The following PLCD3 variants were observed in gnomAD, a reference collection of about 807,000 sequenced individuals.
The protein encoded by PLCD3 is 1-phosphatidylinositol 4,5-bisphosphate phosphodiesterase delta-3.
In PLCD3, 62 loss-of-function variants were observed where a neutral mutation model predicts 82.8. The ratio of observed to expected loss-of-function variants is 0.75; its 90% CI spans 0.61 to 0.93. The LOEUF is 0.93. Among genes scored for constraint, PLCD3 ranks in the 40% least tolerant of loss-of-function variants. PLCD3 has a pLI of 0.00. For missense variants in PLCD3, 1,023 were observed against 1,103.4 expected (o/e 0.93, Z 1.03); for synonymous variants, 478 against 471.8 (o/e 1.01, Z -0.17).
intron 1 of PLCD3, among the ~76,000 whole-genome samples, chr17:45,121,574 T>TG (rs1279640615): frequency 6.6e-6 from 1 of 152,188 alleles, no homozygotes; most frequent in African/African-American, 2.4e-5. Context: ...CTTTAGGCTT[T>TG]GGAGCCCTAA....
chr17:45,119,064 C>A (rs2143566297), intron 4 of PLCD3, 21 bp from the exon 5 acceptor site: 1 of 1,574,132 alleles, frequency 6.4e-7, no homozygotes, highest in Non-Finnish European at 8.6e-7. Flanking sequence ...GCAGGAGAAG[C>A]TCAGAGGAGG....
In PLCD3 at chr17:45,115,143, C is replaced by G. The variant is rs1226808640; in HGVS notation, c.1662G>C (p.Gln554His). The stretch of plus-strand genomic sequence containing the variant: ...CTTTGCGCTCGCTGAGGGAGCTGAC[C>G]TGGCAGGGTTGTGGGGCGTTGGGGG... ...HPAPNAPQPC[Q>H]VSSLSERKAK... The change falls in exon 10 of 15, where the codon CAG becomes CAC. Residue 554 changes from glutamine (Q) to histidine (H), a missense_variant. This residue lies in a region of PLCD3 where 553 missense variants were observed against 655.7 expected (regional missense o/e 0.84). Coordinates refer to ENST00000619929, the MANE Select transcript of PLCD3 (RefSeq NM_133373.5). The G allele has an allele frequency of 2.5e-6, 4 of 1,601,476 alleles. No homozygotes were observed. The highest frequency in any genetic ancestry group is 3.4e-6 in the Non-Finnish European group (4 of 1,174,224).
Position 45,113,498 on chromosome 17 carries a change from G to A in PLCD3, c.1936C>T (p.Pro646Ser). The A allele has an allele frequency of 6.3e-7, 1 of 1,590,360 alleles. No homozygotes were observed. Among genetic ancestry groups the A allele is most frequent in the East Asian group, 2.3e-5 (1 of 43,852 alleles). The stretch of plus-strand genomic sequence containing the variant: ...TACTCGGGGTCAAAGGTCGAGTCAG[G>A]TTGCCGCAGGCAGGCAGGTTTTAGG... ...YVLKPACLRQPDSTFDPEYPG... is the reference protein window; with the variant it reads ...YVLKPACLRQSDSTFDPEYPG... Residue 646 changes from proline to serine, a missense_variant, in exon 12 of 15, where the codon CCT becomes TCT. This residue lies in a region of PLCD3 where 553 missense variants were observed against 655.7 expected (regional missense o/e 0.84). Coordinates refer to ENST00000619929, the MANE Select transcript of PLCD3 (RefSeq NM_133373.5).
rs1326210683 is a variant in PLCD3 at position 45,118,155 on chromosome 17, G to A, written c.1116-17C>T. 8 of 1,613,918 alleles carry A rather than the reference G, an allele frequency of 5.0e-6. No homozygotes were observed. The highest frequency in any genetic ancestry group is 2.2e-5 in the East Asian group (1 of 44,886). Reference sequence around the variant, plus strand: ...GCAAAGGCCCTGTGTGTGGACAGATGGGTGGACGGGCAAGGTGTTGCCAGA... The same window carrying A: ...GCAAAGGCCCTGTGTGTGGACAGATAGGTGGACGGGCAAGGTGTTGCCAGA... On this transcript the variant is annotated splice_polypyrimidine_tract_variant and intron_variant, in intron 6 of 14. Transcript: ENST00000619929. This position sits in a 1 kb window ranked among gnomAD's most constrained non-coding sequence, Gnocchi z 4.1.
At chr17:45,113,659 C>T (rs2054267627) in intron 11 of PLCD3, 54 bp from the exon 12 acceptor site, 2 of 1,535,752 alleles carry the variant, frequency 1.3e-6, no homozygotes, top group African/African-American at 1.4e-5. Flanking sequence ...GTTCTCACTA[C>T]TCAGTTTCAG....
At chr17:45,125,597 A>AAAAAC (rs199583994) in intron 1 of PLCD3, among the ~76,000 whole-genome samples, 2,222 of 152,360 alleles carry the variant, frequency 0.015, 48 homozygotes, top group South Asian at 0.046. Flanking sequence ...CTCCGTCTCA[A>AAAAAC]AAAACAAAAC....
intron 8 of PLCD3, chr17:45,115,725 A>G (rs989124454): frequency 3.2e-5 from 17 of 533,252 alleles, no homozygotes; most frequent in Non-Finnish European, 5.4e-5. Flanking sequence ...AGCAGCCACT[A>G]CAATGCACGC....
intron 1 of PLCD3, among the ~76,000 whole-genome samples, chr17:45,122,972 G>C (rs571762410): frequency 4.6e-4 from 70 of 151,962 alleles, no homozygotes; most frequent in Non-Finnish European, 8.8e-4. Context: ...GAAGCCTCCA[G>C]ATATTCTAAT....
intron 10 of PLCD3, 80 bp downstream of exon 10, chr17:45,115,014 C>T (rs1451418734): frequency 6.0e-6 from 9 of 1,510,562 alleles, no homozygotes; most frequent in Non-Finnish European, 8.0e-6. Context: ...TCCCCCAAAG[C>T]CCCCTCAACT....
rs2054271684 is a variant in PLCD3, at chr17:45,114,274, T to A, written c.1804A>T (p.Met602Leu). 7 of 1,538,960 alleles carry A rather than the reference T, an allele frequency of 4.5e-6. No homozygotes were observed. In the East Asian group the frequency reaches 1.8e-4, roughly 39 times the overall value. Residue 602 changes from methionine to leucine, a missense_variant, in exon 11 of 15, where the codon ATG (methionine) becomes TTG (leucine). By Grantham distance (15) the Met-to-Leu change is conservative (BLOSUM62 2). Coordinates refer to ENST00000619929, the MANE Select transcript of PLCD3 (RefSeq NM_133373.5). ...CCCAGCTGACAGCCCGAGTTCCACA[T>A]CTCCTGGGGACTGTAGTTGGCTGAG... ...MNSANYSPQEMWNSGCQLVAL... is the reference protein window; with the variant it reads ...MNSANYSPQELWNSGCQLVAL...
At chr17:45,127,467 A>G (rs1470092323) in intron 1 of PLCD3, among the ~76,000 whole-genome samples, 1 of 152,178 alleles carries the variant, frequency 6.6e-6, no homozygotes, top group Non-Finnish European at 1.5e-5. Context: ...CAGTTCTGTA[A>G]GGGTAGCCAA....
chr17:45,132,064 C>A lies in PLCD3; in HGVS notation c.163+184G>T, dbSNP rs2143619421. The stretch of plus-strand genomic sequence containing the variant: ...AAGAACACCCTGGGCGCCCGGCTCG[C>A]CCCGGGACCCTCGGATGACCCCAGG... On this transcript the variant is annotated intron_variant, in intron 1 of 14. Coordinates refer to ENST00000619929, the MANE Select transcript of PLCD3 (RefSeq NM_133373.5). The surrounding 1 kb of genome is among the most constrained non-coding windows in gnomAD (Gnocchi z 4.6). Among the ~76,000 whole-genome samples the A allele has an allele frequency of 6.6e-6, 1 of 152,302 alleles. No individual in the cohort carries two copies. The highest frequency in any genetic ancestry group is 1.5e-5 in the Non-Finnish European group (1 of 68,018).
chr17:45,132,236 C>A lies in PLCD3; in HGVS notation c.163+12G>T, dbSNP rs1478821708. 27 of 1,267,660 alleles carry A rather than the reference C, an allele frequency of 2.1e-5. No individual in the cohort carries two copies. The highest frequency in any genetic ancestry group is 6.7e-5 in the Admixed American group (2 of 29,852). 78.5% of individuals were successfully genotyped at this position (1,267,660 alleles called of 1,614,324 possible). A position where few individuals can be genotyped will look rare whatever the true frequency, so the allele number is the denominator to read the frequency against. ...TCCGCGCCCACCCCACCGCCCCTTG[C>A]CCGTCACTGACCCATCTTCTTCAGC... On this transcript the variant is annotated intron_variant, in intron 1 of 14. Transcript: ENST00000619929. The surrounding 1 kb of genome is among the most constrained non-coding windows in gnomAD (Gnocchi z 4.6).
At position 45,132,132 on chromosome 17, in the gene PLCD3, A is replaced by G. The variant is rs1368568683; in HGVS notation, c.163+116T>C. On this transcript the variant is annotated intron_variant, in intron 1 of 14. Transcript: ENST00000619929. The surrounding 1 kb of genome is among the most constrained non-coding windows in gnomAD (Gnocchi z 4.6). ...GGGAGCTGGCCCTCCGCCCCTAGCC[A>G]TAGCCTCCCAGCCCCGTGCAGCCTG... 4 of 1,116,862 alleles carry G rather than the reference A, an allele frequency of 3.6e-6. No individual in the cohort carries two copies. In the South Asian group the frequency reaches 1.4e-4, roughly 38 times the overall value. 69.2% of individuals were successfully genotyped at this position (1,116,862 alleles called of 1,614,324 possible).
At chr17:45,127,630 G>A (rs2054390790) in intron 1 of PLCD3, among the ~76,000 whole-genome samples, 1 of 152,220 alleles carries the variant, frequency 6.6e-6, no homozygotes, top group Non-Finnish European at 1.5e-5. Flanking sequence ...TAGAGGCTGT[G>A]CAGTGGAGAC....
intron 10 of PLCD3, among the ~76,000 whole-genome samples, chr17:45,114,667 T>C (rs1385352813): frequency 6.6e-6 from 1 of 152,132 alleles, no homozygotes; most frequent in Non-Finnish European, 1.5e-5. Flanking sequence ...GGAATTCTTC[T>C]CCAGGCCAAG....
chr17:45,132,364 G>A lies in PLCD3; in HGVS notation c.47C>T (p.Pro16Leu). Residue 16 changes from proline (P) to leucine (L), a missense_variant, in exon 1 of 15, where the codon CCC becomes CTC. By Grantham distance (98) the Pro-to-Leu change is moderately conservative (BLOSUM62 -3). Around this residue, in one of 3 missense-constraint regions of PLCD3, gnomAD observed 22 missense variants for 41.3 expected, o/e 0.53. Coordinates refer to ENST00000619929, the MANE Select transcript of PLCD3 (RefSeq NM_133373.5). This position sits in a 1 kb window ranked among gnomAD's most constrained non-coding sequence, Gnocchi z 4.6. ...GGCTGCGACCTGGGCGGCCACCGGGGGCTCCTCGGGCGGGCGGCGGCAACG... is the reference window on the plus strand; with the variant it reads ...GGCTGCGACCTGGGCGGCCACCGGGAGCTCCTCGGGCGGGCGGCGGCAACG... ...WRRCRRPPEE[P>L]PVAAQVAAQV... The A allele has an allele frequency of 3.3e-6, 4 of 1,229,678 alleles. No homozygotes were observed. The highest frequency in any genetic ancestry group is 4.1e-6 in the Non-Finnish European group (4 of 986,390). The allele number at this position is 1,229,678 out of a possible 1,614,324, so 76.2% of individuals were successfully genotyped here.
intron 1 of PLCD3, among the ~76,000 whole-genome samples, chr17:45,127,483 G>C (rs950368099): frequency 3.9e-5 from 6 of 152,196 alleles, no homozygotes; most frequent in Non-Finnish European, 8.8e-5. Flanking sequence ...GCCAAGACCA[G>C]GGACCAGAAA....
At chr17:45,128,834 T>C (rs73316966) in intron 1 of PLCD3, among the ~76,000 whole-genome samples, 278 of 152,374 alleles carry the variant, frequency 1.8e-3, no homozygotes, top group African/African-American at 6.6e-3. Context: ...TGTTCTGTAT[T>C]TTATTTGGCA....
Sources: gnomAD v4.1 joint callset for allele counts (sites outside exome capture counted in the v4.1 genomes callset) on GRCh38, gnomAD v4.1.1 for gene constraint, gnomAD v4.1.1 regional missense constraint, Gnocchi (gnomAD v3.1) non-coding constraint, MANE v1.5 for transcripts, NCBI Gene and HGNC (gene_info 2026-07-23, HGNC 2026-07-21) for gene names.